The following PPP2R5C variants were observed in gnomAD, a reference collection of about 807,000 sequenced individuals.
The protein encoded by PPP2R5C is protein phosphatase 2 regulatory subunit B'gamma.
Under a neutral mutation model 68.9 loss-of-function variants are expected in PPP2R5C, and 7 were observed. That is an observed-to-expected ratio of 0.10 (90% CI 0.06 to 0.19). The LOEUF (loss-of-function observed/expected upper bound fraction) is 0.19, where lower values mean the gene tolerates loss of function less well. PPP2R5C is among the 10% of genes least tolerant of loss of function. PPP2R5C has a pLI of 1.00. For synonymous variants in PPP2R5C, 210 were observed against 222.2 expected (o/e 0.95, Z 0.49); for missense variants, 348 against 641.3 (o/e 0.54, Z 4.94).
intron 2 of PPP2R5C, among the ~76,000 whole-genome samples, chr14:101,784,895 A>G (rs1189800117): frequency 1.3e-5 from 2 of 152,144 alleles, no homozygotes; most frequent in Non-Finnish European, 2.9e-5. Flanking sequence ...AGAGCCCTTC[A>G]GCTGGGGGGC....
rs371735858 is a variant in PPP2R5C at position 101,784,710 on chromosome 14, CT to C, written c.94-1303del. ...GCAAACTGTCTCAGAGAGTGACAGC[CT>C]TTTTAAAGAGCACATATGCAGACAC... On this transcript the variant is annotated intron_variant, in intron 2 of 14. Transcript: ENST00000328724. Among the ~76,000 whole-genome samples the C allele has an allele frequency of 3.5e-4, 53 of 152,296 alleles. No individual in the cohort carries two copies. In the South Asian group the frequency reaches 4.6e-3, roughly 13 times the overall value.
rs1212963060 is a variant in PPP2R5C at position 101,781,980 on chromosome 14, T to A, written c.94-4038T>A. ...GCTCCCAAGGGAGCCCCTCGCCCTCTCTCTCTCCTTCCCTCATTCCCTTCA... is the reference window on the plus strand; with the variant it reads ...GCTCCCAAGGGAGCCCCTCGCCCTCACTCTCTCCTTCCCTCATTCCCTTCA... On this transcript the variant is annotated intron_variant, in intron 2 of 14. Transcript: ENST00000328724. The surrounding 1 kb of genome is among the most constrained non-coding windows in gnomAD (Gnocchi z 6.4). Among the ~76,000 whole-genome samples, 1 of 150,324 alleles carries A rather than the reference T, an allele frequency of 6.7e-6. No homozygotes were observed. Among genetic ancestry groups the A allele is most frequent in the Non-Finnish European group, 1.5e-5 (1 of 67,428 alleles).
chr14:101,825,329 C>T lies in PPP2R5C; in HGVS notation c.94+15293C>T, dbSNP rs1481173080. ...GGAGACATATACTGATAATGGAATC[C>T]GGGCATTGCTATCTTTCTGTGTCTT... On this transcript the variant is annotated intron_variant, in intron 1 of 13. Transcript: ENST00000334743. The surrounding 1 kb of genome is among the most constrained non-coding windows in gnomAD (Gnocchi z 4.0). Among the ~76,000 whole-genome samples, 2 of 151,710 alleles carry T rather than the reference C, an allele frequency of 1.3e-5. No individual in the cohort carries two copies. The highest frequency in any genetic ancestry group is 2.1e-4 in the South Asian group (1 of 4,810).
chr14:101,867,024 C>T (rs2043112190), intron 2 of PPP2R5C, among the ~76,000 whole-genome samples: 1 of 152,148 alleles, frequency 6.6e-6, no homozygotes, highest in African/African-American at 2.4e-5. Context: ...CAAGAGCAGC[C>T]TGGCCAACGT....
chr14:101,765,877 A>G (rs1272521264), intron 2 of PPP2R5C: 1 of 151,592 alleles, frequency 6.6e-6, no homozygotes, highest in East Asian at 1.9e-4. Context: ...GTTAGCCACC[A>G]TGCAGCCCCT....
chr14:101,853,705 C>G (rs1335170272), intron 1 of PPP2R5C, among the ~76,000 whole-genome samples: 1 of 152,120 alleles, frequency 6.6e-6, no homozygotes, highest in Non-Finnish European at 1.5e-5. Flanking sequence ...TTCATAGCAC[C>G]GTGGCCTTAG....
intron 5 of PPP2R5C, among the ~76,000 whole-genome samples, chr14:101,889,442 G>A (rs1028206968): frequency 1.4e-4 from 22 of 152,316 alleles, no homozygotes; most frequent in Admixed American, 1.0e-3. Flanking sequence ...CTTTGTGCCC[G>A]GTTTATTCAG....
At chr14:101,831,742 C>T (rs1343717540) in intron 1 of PPP2R5C, 1 of 702,240 alleles carries the variant, frequency 1.4e-6, no homozygotes, top group East Asian at 2.7e-5. Context: ...ATACAGAGGG[C>T]CAACTTTTCA....
intron 3 of PPP2R5C, 198 bp from the exon 6 acceptor site, chr14:101,883,059 T>A: frequency 1.9e-6 from 1 of 534,478 alleles, no homozygotes; most frequent in Admixed American, 3.6e-5. Context: ...GGGTGTAGTC[T>A]GTGGGTTTCA....
At chr14:101,887,461 A>G (rs973180174) in intron 5 of PPP2R5C, among the ~76,000 whole-genome samples, 1 of 152,198 alleles carries the variant, frequency 6.6e-6, no homozygotes, top group Admixed American at 6.5e-5. Flanking sequence ...TTCTGTCAGC[A>G]TGGTCCATCA....
intron 1 of PPP2R5C, among the ~76,000 whole-genome samples, chr14:101,829,742 G>A (rs2040622163): frequency 6.6e-6 from 1 of 152,126 alleles, no homozygotes; most frequent in South Asian, 2.1e-4. Flanking sequence ...AACGTGAGGT[G>A]CCCGCAATCA....
At chr14:101,912,619 T>G in intron 12 of PPP2R5C, 146 bp downstream of exon 14, 1 of 1,331,194 alleles carries the variant, frequency 7.5e-7, no homozygotes, top group Non-Finnish European at 9.7e-7. Flanking sequence ...ACTTTTAAAC[T>G]TTGTAACCCT....
At chr14:101,884,633 C>G (rs1396546978) in intron 5 of PPP2R5C, among the ~76,000 whole-genome samples, 1 of 152,260 alleles carries the variant, frequency 6.6e-6, no homozygotes. Context: ...GCAGGCCCAC[C>G]TCCAGGCCCG....
At chr14:101,817,177 C>T (rs1182651103) in intron 1 of PPP2R5C, among the ~76,000 whole-genome samples, 3 of 151,704 alleles carry the variant, frequency 2.0e-5, no homozygotes, top group Non-Finnish European at 4.4e-5. Context: ...AGGATTGTCT[C>T]GATCTCCTGA....
chr14:101,882,978 G>A lies in PPP2R5C; in HGVS notation c.406-279G>A, dbSNP rs527489544. ...GCTTGGTTTGTGGCATCTGTGCCCT[G>A]TAGTCCCTGAACAGTGTACTATAAC... On this transcript the variant is annotated intron_variant, in intron 3 of 13. Transcript: ENST00000334743. This position sits in a 1 kb window ranked among gnomAD's most constrained non-coding sequence, Gnocchi z 4.9. The A allele has an allele frequency of 6.7e-4, 204 of 306,542 alleles. 1 individual carries two copies. The highest frequency in any genetic ancestry group is 9.1e-4 in the Non-Finnish European group (151 of 166,612). The allele number at this position is 306,542 out of a possible 1,614,324, so 19.0% of individuals were successfully genotyped here.
chr14:101,770,358 T>C (rs1487705088), intron 2 of PPP2R5C, among the ~76,000 whole-genome samples: 1 of 152,204 alleles, frequency 6.6e-6, no homozygotes, highest in Admixed American at 6.5e-5. Flanking sequence ...GTAGTGGCTG[T>C]TTCCATCATT....
intron 2 of PPP2R5C, among the ~76,000 whole-genome samples, chr14:101,866,827 A>G (rs982178189): frequency 3.9e-5 from 6 of 152,194 alleles, no homozygotes; most frequent in African/African-American, 1.4e-4. Context: ...GCTCATGCCT[A>G]TAATCCAACT....
chr14:101,865,629 A>T (rs1239610858), intron 2 of PPP2R5C, among the ~76,000 whole-genome samples: 3 of 152,202 alleles, frequency 2.0e-5, no homozygotes, highest in Non-Finnish European at 2.9e-5. Flanking sequence ...CTTTGGGTGA[A>T]CGGCTTGGTT....
At chr14:101,871,363 T>TC (rs2043403824) in intron 2 of PPP2R5C, among the ~76,000 whole-genome samples, 1 of 151,862 alleles carries the variant, frequency 6.6e-6, no homozygotes, top group Non-Finnish European at 1.5e-5. Flanking sequence ...TGCCTCAGCC[T>TC]CCCCCAAGTA....
Sources: allele counts gnomAD v4.1 joint callset (sites outside exome capture counted in the v4.1 genomes callset), GRCh38; gene constraint gnomAD v4.1.1; non-coding constraint Gnocchi (gnomAD v3.1); transcripts MANE v1.5; gene names NCBI Gene and HGNC (gene_info 2026-07-23, HGNC 2026-07-21).